The following DGKI variants were observed in gnomAD, a reference collection of about 807,000 sequenced individuals.
DGKI encodes the protein DAG kinase iota.
In DGKI, 55 loss-of-function variants were observed where a neutral mutation model predicts 147.5. The observed-to-expected ratio is 0.37, with a 90% CI of 0.30 to 0.47. The LOEUF (loss-of-function observed/expected upper bound fraction) is 0.47. Among genes scored for constraint, DGKI ranks in the 20% least tolerant of loss-of-function variants. The pLI is 1.00. For synonymous variants in DGKI, 469 were observed against 477.1 expected, an observed-to-expected ratio of 0.98 and a Z score of 0.22; for missense variants, 1,007 against 1,323.8, an observed-to-expected ratio of 0.76 and a Z score of 3.71.
chr7:137,572,730 C>T (rs773589731), intron 18 of DGKI, 35 bp downstream of exon 18: 25 of 1,458,532 alleles, frequency 1.7e-5, no homozygotes, highest in Non-Finnish European at 2.0e-5. Context: ...TCAGAGTTCA[C>T]GTCAAACCAA....
intron 1 of DGKI, among the ~76,000 whole-genome samples, chr7:137,735,255 T>C (rs1794990112): frequency 6.6e-6 from 1 of 152,172 alleles, no homozygotes; most frequent in Non-Finnish European, 1.5e-5. Context: ...TTTGCTACCC[T>C]CTGCCTCATA....
chr7:137,623,629 A>G, intron 6 of DGKI, 75 bp from the exon 7 acceptor site: 1 of 1,305,778 alleles, frequency 7.7e-7, no homozygotes, highest in South Asian at 1.2e-5. Flanking sequence ...CCTGAAGTGC[A>G]ATGACGTGAA....
intron 1 of DGKI, among the ~76,000 whole-genome samples, chr7:137,837,966 A>G (rs1479588752): frequency 6.8e-6 from 1 of 147,034 alleles, no homozygotes; most frequent in Non-Finnish European, 1.5e-5. Flanking sequence ...TAGTCTTTGC[A>G]TTGAGAGGGG....
At chr7:137,509,379 C>A (rs970504081) in intron 21 of DGKI, among the ~76,000 whole-genome samples, 4 of 152,046 alleles carry the variant, frequency 2.6e-5, no homozygotes, top group African/African-American at 9.7e-5. Context: ...AGAGGAGTGG[C>A]AGAAAGACAA....
At chr7:137,767,527 G>C (rs1401572441) in intron 1 of DGKI, among the ~76,000 whole-genome samples, 1 of 147,046 alleles carries the variant, frequency 6.8e-6, no homozygotes, top group Admixed American at 6.7e-5. Flanking sequence ...GAAGAGAAGA[G>C]AAGAGTAGAG....
chr7:137,456,498 T>C (rs7797211), intron 27 of DGKI, among the ~76,000 whole-genome samples: 35,723 of 152,088 alleles, frequency 0.23, 7,876 homozygotes, highest in African/African-American at 0.59. Context: ...GCCTACCATT[T>C]TAGGTATGGT....
At chr7:137,445,886 T>C (rs1055101742) in intron 27 of DGKI, among the ~76,000 whole-genome samples, 4 of 151,920 alleles carry the variant, frequency 2.6e-5, no homozygotes, top group African/African-American at 9.7e-5. Flanking sequence ...AAAAATAAAG[T>C]TGGGGAGGGG....
intron 28 of DGKI, among the ~76,000 whole-genome samples, chr7:137,441,201 G>A (rs576090140): frequency 2.6e-5 from 4 of 151,986 alleles, no homozygotes; most frequent in East Asian, 1.9e-4. Context: ...TGGGCGAATC[G>A]AGAGGTCAGG....
At chr7:137,611,723 G>A (rs1438545447) in intron 8 of DGKI, among the ~76,000 whole-genome samples, 5 of 152,134 alleles carry the variant, frequency 3.3e-5, no homozygotes, top group Non-Finnish European at 1.5e-5. Flanking sequence ...GTAAATGTTA[G>A]CTCATTCTAA....
At chr7:137,747,093 T>C (rs963691273) in intron 1 of DGKI, among the ~76,000 whole-genome samples, 6 of 152,092 alleles carry the variant, frequency 3.9e-5, no homozygotes, top group African/African-American at 1.4e-4. Flanking sequence ...TAGGTTTTTT[T>C]AAAAAAAGTG....
At chr7:137,441,277 C>T (rs1292590106) in intron 28 of DGKI, among the ~76,000 whole-genome samples, 1 of 151,810 alleles carries the variant, frequency 6.6e-6, no homozygotes, top group East Asian at 1.9e-4. Context: ...AAAAATTAGC[C>T]GGGCATGGTG....
intron 7 of DGKI, among the ~76,000 whole-genome samples, chr7:137,622,333 T>C (rs77669707): frequency 0.023 from 3,525 of 152,330 alleles, 114 homozygotes; most frequent in African/African-American, 0.078. Context: ...TTTAGCGTGA[T>C]GTGTGTAGTG....
At chr7:137,713,574 T>C (rs1028900478) in intron 1 of DGKI, among the ~76,000 whole-genome samples, 6 of 152,224 alleles carry the variant, frequency 3.9e-5, no homozygotes, top group African/African-American at 1.4e-4. Context: ...ATCTGTTTAA[T>C]TACTGTTAGG....
chr7:137,658,543 G>A (rs1393621855), intron 3 of DGKI, among the ~76,000 whole-genome samples: 2 of 152,186 alleles, frequency 1.3e-5, no homozygotes, highest in African/African-American at 2.4e-5. Flanking sequence ...ATTTAAGGAT[G>A]CCTGAAAAGC....
intron 20 of DGKI, among the ~76,000 whole-genome samples, chr7:137,538,818 G>A (rs1343301262): frequency 2.0e-5 from 3 of 152,154 alleles, no homozygotes; most frequent in East Asian, 1.9e-4. Flanking sequence ...AAAAGTAAAC[G>A]ATAGCAGTAG....
At chr7:137,719,719 C>G (rs907374407) in intron 1 of DGKI, among the ~76,000 whole-genome samples, 1 of 152,156 alleles carries the variant, frequency 6.6e-6, no homozygotes, top group Non-Finnish European at 1.5e-5. Flanking sequence ...GAAATAAGTA[C>G]TCTCTAGCTG....
chr7:137,651,042 T>C (rs1007027737), intron 5 of DGKI, among the ~76,000 whole-genome samples: 2 of 152,192 alleles, frequency 1.3e-5, no homozygotes, highest in African/African-American at 4.8e-5. Flanking sequence ...AGACAGAGGG[T>C]TTGCTTTTGC....
rs1811073732 is a variant in DGKI, at chr7:137,382,062, C to A, written c.*9158G>T. 1 of 152,018 alleles carries A rather than the reference C, an allele frequency of 6.6e-6. No homozygotes were observed. The highest frequency in any genetic ancestry group is 1.5e-5 in the Non-Finnish European group (1 of 67,972). 9.4% of individuals were successfully genotyped at this position (152,018 alleles called of 1,614,324 possible). A position where few individuals can be genotyped will look rare whatever the true frequency, so the allele number is the denominator to read the frequency against. On this transcript the variant is annotated 3_prime_UTR_variant, in exon 33 of 33. Transcript: ENST00000614521. Reference sequence around the variant, plus strand: ...ATTTGGTTGCATATAGAAGGTACAACAAATATCAAGGCTAGATGGTATCTT... The same window carrying A: ...ATTTGGTTGCATATAGAAGGTACAAAAAATATCAAGGCTAGATGGTATCTT...
intron 2 of DGKI, among the ~76,000 whole-genome samples, chr7:137,683,682 C>T (rs1170861911): frequency 1.3e-5 from 2 of 152,204 alleles, no homozygotes; most frequent in African/African-American, 4.8e-5. Flanking sequence ...GTATACAACT[C>T]AAAGAGTCTC....
Sources: allele counts gnomAD v4.1 joint callset (sites outside exome capture counted in the v4.1 genomes callset), GRCh38; gene constraint gnomAD v4.1.1; transcripts MANE v1.5; gene names NCBI Gene and HGNC (gene_info 2026-07-23, HGNC 2026-07-21).